The following NTM variants were observed in gnomAD, a reference collection of about 807,000 sequenced individuals.
NTM encodes neurotrimin.
In NTM, 13 loss-of-function variants were observed where a neutral mutation model predicts 42.1. The observed-to-expected ratio is 0.31, with a 90% CI of 0.20 to 0.49. The LOEUF (loss-of-function observed/expected upper bound fraction) is 0.49. Ranked by LOEUF, NTM falls within the 20% of genes least tolerant of loss-of-function variation. NTM has a pLI of 0.99. For synonymous variants in NTM, 187 were observed against 179.2 expected (o/e 1.04, Z -0.35); for missense variants, 373 against 452.8 (o/e 0.82, Z 1.60).
intron 1 of NTM, among the ~76,000 whole-genome samples, chr11:131,425,103 A>G (rs184460014): frequency 1.9e-4 from 29 of 150,180 alleles, no homozygotes; most frequent in African/African-American, 7.1e-4. Context: ...GCTGGTTTTG[A>G]ACATCTGGCC....
intron 2 of NTM, among the ~76,000 whole-genome samples, chr11:132,106,949 G>A (rs1048058958): frequency 1.3e-4 from 19 of 151,890 alleles, no homozygotes; most frequent in Non-Finnish European, 2.8e-4. Context: ...GATTATTTTA[G>A]TGCCGGTCTT....
chr11:132,174,993 C>T (rs1288856450), intron 3 of NTM, among the ~76,000 whole-genome samples: 3 of 152,044 alleles, frequency 2.0e-5, no homozygotes, highest in Non-Finnish European at 4.4e-5. Flanking sequence ...TGTTCTGAAC[C>T]AGGGAACCCA....
chr11:132,333,672 G>C (rs922164488), intron 8 of NTM, among the ~76,000 whole-genome samples: 2 of 152,140 alleles, frequency 1.3e-5, no homozygotes, highest in Non-Finnish European at 2.9e-5. Context: ...TCAGCATGGG[G>C]ATCTGCACCT....
intron 2 of NTM, among the ~76,000 whole-genome samples, chr11:131,956,118 C>A (rs920661102): frequency 1.3e-5 from 2 of 152,190 alleles, no homozygotes; most frequent in African/African-American, 2.4e-5. Flanking sequence ...AACCTCTCTG[C>A]AAATGCCACA....
intron 1 of NTM, among the ~76,000 whole-genome samples, chr11:131,887,380 C>A (rs1565680748): frequency 6.6e-6 from 1 of 152,196 alleles, no homozygotes; most frequent in Non-Finnish European, 1.5e-5. Context: ...ATTTCTAACA[C>A]AATGAAACCC....
At chr11:131,637,587 G>A (rs1304449691) in intron 1 of NTM, among the ~76,000 whole-genome samples, 2 of 151,194 alleles carry the variant, frequency 1.3e-5, no homozygotes, top group Non-Finnish European at 2.9e-5. Flanking sequence ...TACCCCCAAG[G>A]CTGATAAGTG....
chr11:131,627,044 G>T lies in NTM; in HGVS notation c.82+256156G>T, dbSNP rs921844026. Among the ~76,000 whole-genome samples the T allele has an allele frequency of 2.0e-5, 3 of 152,200 alleles. No homozygotes were observed. In the South Asian group the frequency reaches 6.2e-4, roughly 32 times the overall value. On this transcript the variant is annotated intron_variant, in intron 1 of 8. Transcript: ENST00000683400. ...TTTGACAAGCTGGTTGCTCCAGCGGGCTCAGGCGCTGGAATGGGAGATTAA... is the reference window on the plus strand; with the variant it reads ...TTTGACAAGCTGGTTGCTCCAGCGGTCTCAGGCGCTGGAATGGGAGATTAA...
chr11:131,690,870 C>G (rs1016799240), intron 1 of NTM, among the ~76,000 whole-genome samples: 7 of 152,116 alleles, frequency 4.6e-5, no homozygotes, highest in African/African-American at 1.4e-4. Context: ...CTGTCCACCC[C>G]GTCACTTCCC....
intron 1 of NTM, among the ~76,000 whole-genome samples, chr11:131,404,385 C>G (rs1328161701): frequency 6.6e-6 from 1 of 152,180 alleles, no homozygotes; most frequent in African/African-American, 2.4e-5. Flanking sequence ...ATCGCGCCGT[C>G]CTGGCTTTCT....
intron 1 of NTM, among the ~76,000 whole-genome samples, chr11:131,833,908 C>G (rs1312602673): frequency 2.0e-5 from 3 of 152,098 alleles, no homozygotes; most frequent in African/African-American, 7.2e-5. Flanking sequence ...ATTTCGAAGT[C>G]TTTTTTCTTA....
chr11:131,983,654 G>T (rs2065623196), intron 2 of NTM, among the ~76,000 whole-genome samples: 1 of 152,100 alleles, frequency 6.6e-6, no homozygotes, highest in Non-Finnish European at 1.5e-5. Flanking sequence ...GGTATTACAG[G>T]CATGAGCCAC....
At chr11:131,784,433 T>C (rs1159301227) in intron 1 of NTM, among the ~76,000 whole-genome samples, 1 of 152,100 alleles carries the variant, frequency 6.6e-6, no homozygotes, top group East Asian at 1.9e-4. Flanking sequence ...GAAAAGAAAC[T>C]TTGATACACA....
At chr11:131,866,897 G>A (rs781388940) in intron 1 of NTM, among the ~76,000 whole-genome samples, 1 of 152,172 alleles carries the variant, frequency 6.6e-6, no homozygotes, top group Non-Finnish European at 1.5e-5. Context: ...AGGGAAAGTA[G>A]ATTAATAGGA....
chr11:132,287,314 T>TA (rs1555070750), intron 4 of NTM, among the ~76,000 whole-genome samples: 2 of 152,172 alleles, frequency 1.3e-5, no homozygotes, highest in African/African-American at 4.8e-5. Flanking sequence ...TATTTTTCAT[T>TA]ATGTATAGAA....
At position 132,310,197 on chromosome 11, in the gene NTM, C is replaced by G. The variant is rs1565446707; in HGVS notation, c.747C>G (p.Pro249=). 3 of 1,610,746 alleles carry G rather than the reference C, an allele frequency of 1.9e-6. No individual in the cohort carries two copies. Among genetic ancestry groups the G allele is most frequent in the Non-Finnish European group, 2.5e-6 (3 of 1,178,712 alleles). ...TGCAGTGTGAAGCCTCAGCAGTCCC[C>G]TCAGCAGAATTCCAGTGGTACAAGG... ...GTLQCEASAV[P]SAEFQWYKDD... Residue 249 remains proline (P), a synonymous_variant, in exon 6 of 9, where the codon CCC becomes CCG. Transcript: ENST00000683400.
intron 1 of NTM, among the ~76,000 whole-genome samples, chr11:131,777,578 T>C (rs985205538): frequency 1.3e-5 from 2 of 151,594 alleles, no homozygotes; most frequent in Non-Finnish European, 2.9e-5. Flanking sequence ...CGTTCTTGTT[T>C]CAGAAAAATG....
intron 1 of NTM, among the ~76,000 whole-genome samples, chr11:131,501,055 C>T (rs1402975637): frequency 6.6e-6 from 1 of 151,916 alleles, no homozygotes; most frequent in Non-Finnish European, 1.5e-5. Flanking sequence ...GACTTCCAGA[C>T]CTGCCTAGTT....
intron 3 of NTM, among the ~76,000 whole-genome samples, chr11:132,164,327 A>C (rs2137695105): frequency 6.6e-6 from 1 of 152,294 alleles, no homozygotes; most frequent in Admixed American, 6.5e-5. Context: ...GATACCATTA[A>C]AAAGTGCCAT....
chr11:131,517,336 A>G (rs1383565034), intron 1 of NTM, among the ~76,000 whole-genome samples: 2 of 152,234 alleles, frequency 1.3e-5, no homozygotes, highest in African/African-American at 2.4e-5. Context: ...TGAGGACCAC[A>G]GACTCAGAAA....
Sources: allele counts gnomAD v4.1 joint callset (sites outside exome capture counted in the v4.1 genomes callset), GRCh38; gene constraint gnomAD v4.1.1; transcripts MANE v1.5; gene names NCBI Gene and HGNC (gene_info 2026-07-23, HGNC 2026-07-21).